CHN1: variants seen among roughly 807,000 people sequenced by gnomAD.
CHN1 encodes chimerin 1.
In CHN1, 37 loss-of-function variants were observed where a neutral mutation model predicts 59.5. The ratio of observed to expected loss-of-function variants is 0.62; its 90% CI spans 0.48 to 0.82. CHN1 has a LOEUF of 0.82. Ranked by LOEUF, CHN1 falls within the 40% of genes least tolerant of loss-of-function variation. The pLI, the probability that CHN1 is intolerant of heterozygous loss-of-function variation, is 0.00. For synonymous variants in CHN1, 206 were observed against 200.4 expected (o/e 1.03, Z -0.24); for missense variants, 469 against 571.0 (o/e 0.82, Z 1.82).
At position 174,877,844 on chromosome 2, in the gene CHN1, T is replaced by C. The variant is rs1687616178; in HGVS notation, c.545A>G (p.Lys182Arg). The C allele has an allele frequency of 6.2e-7, 1 of 1,610,986 alleles. No homozygotes were observed. The highest frequency in any genetic ancestry group is 1.3e-5 in the African/African-American group (1 of 74,806). ...TGTGGTTTCATAGTAGCTTACCCTT[T>C]TCTCTGACACCCCATCCTGGCCTGT... ...DSTGQDGVSE[K>R]RLTSLVRRAT... Residue 182 changes from lysine (K) to arginine (R), a missense_variant, in exon 6 of 13, where the codon AAA becomes AGA. This residue lies in a region of CHN1 where 81 missense variants were observed against 71.7 expected (regional missense o/e 1.13). Transcript: ENST00000409900.
At chr2:174,959,819 G>A (rs954772103) in intron 1 of CHN1, among the ~76,000 whole-genome samples, 8 of 152,190 alleles carry the variant, frequency 5.3e-5, no homozygotes, top group African/African-American at 1.9e-4. Context: ...AAATCCTTCA[G>A]TAAAAGAAAA....
chr2:174,898,941 T>C (rs1428849758), intron 5 of CHN1, among the ~76,000 whole-genome samples: 1 of 152,162 alleles, frequency 6.6e-6, no homozygotes, highest in Non-Finnish European at 1.5e-5. Flanking sequence ...TACAATGATA[T>C]AGGAAAAATA....
At chr2:174,890,483 A>AG (rs1688013169) in intron 5 of CHN1, among the ~76,000 whole-genome samples, 1 of 152,232 alleles carries the variant, frequency 6.6e-6, no homozygotes, top group Non-Finnish European at 1.5e-5. Context: ...ATTTAAGCCC[A>AG]GAAGTTCGGG....
chr2:174,902,191 T>A (rs1187562871), intron 5 of CHN1, among the ~76,000 whole-genome samples: 3 of 152,196 alleles, frequency 2.0e-5, no homozygotes, highest in Admixed American at 6.5e-5. Context: ...TGAACAGCTA[T>A]CTCCTCTTGT....
At chr2:174,962,130 CG>C (rs1257759149) in intron 1 of CHN1, among the ~76,000 whole-genome samples, 1 of 151,890 alleles carries the variant, frequency 6.6e-6, no homozygotes, top group Non-Finnish European at 1.5e-5. Context: ...ACTAAAAATA[CG>C]AAAATTAGCC....
At chr2:174,890,130 T>G (rs549307842) in intron 5 of CHN1, among the ~76,000 whole-genome samples, 6 of 151,972 alleles carry the variant, frequency 3.9e-5, no homozygotes, top group African/African-American at 1.4e-4. Context: ...AGATAGAGAG[T>G]GGCTGAATAA....
chr2:174,838,524 T>C (rs1460777524), intron 7 of CHN1, among the ~76,000 whole-genome samples: 1 of 152,180 alleles, frequency 6.6e-6, no homozygotes. Flanking sequence ...ATATTACATA[T>C]GGTATTTCTC....
At chr2:174,899,379 A>G (rs1688317926) in intron 5 of CHN1, among the ~76,000 whole-genome samples, 1 of 152,248 alleles carries the variant, frequency 6.6e-6, no homozygotes, top group Admixed American at 6.5e-5. Context: ...TCTGTGACTC[A>G]GTATATATGT....
In CHN1 at chr2:174,924,970, A is replaced by C. The variant is rs1013420692; in HGVS notation, c.115-6405T>G. Among the ~76,000 whole-genome samples, 4 of 152,350 alleles carry C rather than the reference A, an allele frequency of 2.6e-5. No homozygotes were observed. In the East Asian group the frequency reaches 7.7e-4, roughly 29 times the overall value. On this transcript the variant is annotated intron_variant, in intron 3 of 12. Coordinates refer to ENST00000409900, the MANE Select transcript of CHN1 (RefSeq NM_001822.7). ...TTGCTTTCTCCAATTTTCTGTATTT[A>C]GTAGTTAACATTTTTTCATTGATAC...
Position 174,800,035 on chromosome 2 carries a change from A to G in CHN1, c.*81T>C. ...TGCCCAAACCTCTAATCAAGAAATAATGCAGCTACAGGAGCAAATTAAATT... is the reference window on the plus strand; with the variant it reads ...TGCCCAAACCTCTAATCAAGAAATAGTGCAGCTACAGGAGCAAATTAAATT... On this transcript the variant is annotated 3_prime_UTR_variant, in exon 13 of 13. Transcript: ENST00000409900. 1 of 1,293,158 alleles carries G rather than the reference A, an allele frequency of 7.7e-7. No homozygotes were observed. The highest frequency in any genetic ancestry group is 1.1e-6 in the Non-Finnish European group (1 of 920,002). The allele number at this position is 1,293,158 out of a possible 1,614,324, so 80.1% of individuals were successfully genotyped here. A position where few individuals can be genotyped will look rare whatever the true frequency, so the allele number is the denominator to read the frequency against.
At chr2:174,850,862 G>A (rs1361758103) in intron 6 of CHN1, among the ~76,000 whole-genome samples, 2 of 152,180 alleles carry the variant, frequency 1.3e-5, no homozygotes, top group African/African-American at 2.4e-5. Context: ...GTATTGTTAA[G>A]GATCCAGGAA....
Position 174,924,529 on chromosome 2 carries a change from A to G in CHN1, c.115-5964T>C, listed in dbSNP as rs537594475. Among the ~76,000 whole-genome samples the G allele has an allele frequency of 2.0e-4, 31 of 152,264 alleles. 1 individual carries two copies. The South Asian group carries it at 6.0e-3, about 30-fold the overall frequency. Reference sequence around the variant, plus strand: ...TTCTCCTGTTAATCTGCCTTTTGTCAGTATAGTCCAAAAATCCCAGCTACT... The same window carrying G: ...TTCTCCTGTTAATCTGCCTTTTGTCGGTATAGTCCAAAAATCCCAGCTACT... On this transcript the variant is annotated intron_variant, in intron 3 of 12. Coordinates refer to ENST00000409900, the MANE Select transcript of CHN1 (RefSeq NM_001822.7).
intron 6 of CHN1, among the ~76,000 whole-genome samples, chr2:174,848,239 G>GAGGCC (rs552062027): frequency 7.0e-4 from 106 of 152,184 alleles, no homozygotes; most frequent in African/African-American, 2.5e-3. Flanking sequence ...CAGAGAGCTT[G>GAGGCC]AGGCCAGGTC....
At chr2:174,888,415 T>C (rs190333869) in intron 5 of CHN1, among the ~76,000 whole-genome samples, 29 of 152,272 alleles carry the variant, frequency 1.9e-4, no homozygotes, top group Non-Finnish European at 3.4e-4. Context: ...AAGGCGGCGA[T>C]TGTAGCCTGG....
intron 7 of CHN1, among the ~76,000 whole-genome samples, chr2:174,842,938 T>C (rs1381742919): frequency 6.6e-6 from 1 of 152,236 alleles, no homozygotes; most frequent in Admixed American, 6.5e-5. Flanking sequence ...TGCAAGTACC[T>C]GAAATGAAAA....
Position 174,799,908 on chromosome 2 carries a change from C to A in CHN1, c.*208G>T. The A allele has an allele frequency of 1.5e-6, 1 of 659,072 alleles. No individual in the cohort carries two copies. The highest frequency in any genetic ancestry group is 1.5e-5 in the South Asian group (1 of 66,320). The allele number at this position is 659,072 out of a possible 1,614,324, so 40.8% of individuals were successfully genotyped here. ...GAGTTTCTCTGAACGTGATAAACACCCAGGATTACTAGAACCAGAAAGCGT... is the reference window on the plus strand; with the variant it reads ...GAGTTTCTCTGAACGTGATAAACACACAGGATTACTAGAACCAGAAAGCGT... On this transcript the variant is annotated 3_prime_UTR_variant, in exon 13 of 13. Coordinates refer to ENST00000409900, the MANE Select transcript of CHN1 (RefSeq NM_001822.7).
rs866713874 is a variant in CHN1, at chr2:174,997,037, C to T, written c.19+7857G>A. Among the ~76,000 whole-genome samples, 11 of 152,274 alleles carry T rather than the reference C, an allele frequency of 7.2e-5. No homozygotes were observed. In the South Asian group the frequency reaches 8.3e-4, roughly 11 times the overall value. On this transcript the variant is annotated intron_variant, in intron 1 of 12. Transcript: ENST00000409900. ...AGCATTTGCCACCTGGCACATTATACATGTTTTATTGTCTGTCTCCCTCCA... is the reference window on the plus strand; with the variant it reads ...AGCATTTGCCACCTGGCACATTATATATGTTTTATTGTCTGTCTCCCTCCA...
chr2:174,885,130 A>C (rs1323411774), intron 5 of CHN1, among the ~76,000 whole-genome samples: 2 of 151,582 alleles, frequency 1.3e-5, no homozygotes, highest in African/African-American at 4.8e-5. Flanking sequence ...TACTAAAAAA[A>C]AAAAAAATCA....
intron 8 of CHN1, among the ~76,000 whole-genome samples, chr2:174,824,226 A>G (rs1685604895): frequency 6.6e-6 from 1 of 152,228 alleles, no homozygotes; most frequent in African/African-American, 2.4e-5. Context: ...CCAGATCCCT[A>G]GTGTGCTGTC....
Sources: allele counts gnomAD v4.1 joint callset (sites outside exome capture counted in the v4.1 genomes callset), GRCh38; gene constraint gnomAD v4.1.1; regional missense constraint gnomAD v4.1.1; transcripts MANE v1.5; gene names NCBI Gene and HGNC (gene_info 2026-07-23, HGNC 2026-07-21).